FAM221B: variants seen among roughly 807,000 people sequenced by gnomAD.
FAM221B encodes protein FAM221B.
Under a neutral mutation model 39.8 loss-of-function variants are expected in FAM221B, and 35 were observed. The ratio of observed to expected loss-of-function variants is 0.88; its 90% CI spans 0.67 to 1.17. The LOEUF is 1.17. FAM221B is among the 50% of genes most tolerant of loss of function. The pLI is 0.00. For missense variants in FAM221B, 479 were observed against 503.1 expected (o/e 0.95, Z 0.46); for synonymous variants, 158 against 178.1 (o/e 0.89, Z 0.90).
At chr9:35,819,138 A>G in intron 5 of FAM221B, 59 bp downstream of exon 5, 1 of 1,533,700 alleles carries the variant, frequency 6.5e-7, no homozygotes, top group African/African-American at 1.4e-5. Context: ...CATTATCCCC[A>G]GATTGCATCC....
At position 35,828,436 on chromosome 9, in the gene FAM221B, G is replaced by A; in HGVS notation, c.-1+27C>T. 6 of 966,254 alleles carry A rather than the reference G, an allele frequency of 6.2e-6. No homozygotes were observed. The highest frequency in any genetic ancestry group is 7.4e-6 in the Non-Finnish European group (6 of 812,596). 59.9% of individuals were successfully genotyped at this position (966,254 alleles called of 1,614,324 possible). A position where few individuals can be genotyped will look rare whatever the true frequency, so the allele number is the denominator to read the frequency against. On this transcript the variant is annotated intron_variant, in intron 1 of 6. Transcript: ENST00000423537. This position sits in a 1 kb window ranked among gnomAD's most constrained non-coding sequence, Gnocchi z 4.5. Reference sequence around the variant, plus strand: ...AGACAGATGTCTTTGAGGGAAGAGGGCAAGGGCCGTTGGAGAAACCACCTA... The same window carrying A: ...AGACAGATGTCTTTGAGGGAAGAGGACAAGGGCCGTTGGAGAAACCACCTA...
chr9:35,824,680 T>G (rs1829262091), intron 3 of FAM221B, among the ~76,000 whole-genome samples: 1 of 151,468 alleles, frequency 6.6e-6, no homozygotes, highest in Non-Finnish European at 1.5e-5. Context: ...TTTTTTGTTT[T>G]TTGGTTTTTT....
rs987852417 is a variant in FAM221B, at chr9:35,816,931, G to A, written c.*1538C>T. On this transcript the variant is annotated 3_prime_UTR_variant, in exon 7 of 7. Transcript: ENST00000423537. ...CTCTGTGGTGCCTCTGGGACACTGGGAGACCCTAGAGTTGCCCTGGAGAAG... is the reference window on the plus strand; with the variant it reads ...CTCTGTGGTGCCTCTGGGACACTGGAAGACCCTAGAGTTGCCCTGGAGAAG... 6.6e-6 allele frequency: 1 copy of A among 152,228 alleles called. No homozygotes were observed. 9.4% of individuals were successfully genotyped at this position (152,228 alleles called of 1,614,324 possible). A position where few individuals can be genotyped will look rare whatever the true frequency, so the allele number is the denominator to read the frequency against.
Position 35,826,147 on chromosome 9 carries a change from C to G in FAM221B, c.15G>C (p.Glu5Asp). 1 of 1,588,562 alleles carries G rather than the reference C, an allele frequency of 6.3e-7. No homozygotes were observed. The highest frequency in any genetic ancestry group is 8.5e-7 in the Non-Finnish European group (1 of 1,169,960). MEAH[E>D]IIEEPHITMD... ...TGGTGATATGAGGCTCTTCTATGAT[C>G]TCATGTGCTTCCATCTAGTGGTAGA... is the stretch of plus-strand genomic sequence containing the variant. The change falls in exon 2 of 7, where the codon GAG becomes GAC. Residue 5 changes from glutamate (E) to aspartate (D), a missense_variant. Transcript: ENST00000423537.
Position 35,828,329 on chromosome 9 carries a change from AACAACT to A in FAM221B, c.-1+128_-1+133del, listed in dbSNP as rs201183435. ...CAACAACAACAACAACAACAACAAC[AACAACT>A]ACTACTACTACTACTACTACTACTA... On this transcript the variant is annotated intron_variant, in intron 1 of 6. Coordinates refer to ENST00000423537, the MANE Select transcript of FAM221B (RefSeq NM_001012446.4). This position sits in a 1 kb window ranked among gnomAD's most constrained non-coding sequence, Gnocchi z 4.5. 0.01 allele frequency: 1,434 copies of A among 138,966 alleles called. 21 individuals are homozygous for A. The highest frequency in any genetic ancestry group is 0.035 in the Middle Eastern group (10 of 282). 8.6% of individuals were successfully genotyped at this position (138,966 alleles called of 1,614,324 possible).
In FAM221B at chr9:35,825,098, C is replaced by A; in HGVS notation, c.742+132G>T. The stretch of plus-strand genomic sequence containing the variant: ...TATTCCTTGGCCCACTTGCCTGCTC[C>A]TTTTCCAGGCAGGTGGTATAGCCAT... On this transcript the variant is annotated intron_variant, in intron 3 of 6. Transcript: ENST00000423537. The surrounding 1 kb of genome is among the most constrained non-coding windows in gnomAD (Gnocchi z 4.2). 9.3e-7 allele frequency: 1 copy of A among 1,079,560 alleles called. No homozygotes were observed. The highest frequency in any genetic ancestry group is 2.6e-5 in the East Asian group (1 of 38,930). 66.9% of individuals were successfully genotyped at this position (1,079,560 alleles called of 1,614,324 possible). A position where few individuals can be genotyped will look rare whatever the true frequency, so the allele number is the denominator to read the frequency against.
rs931862343 is a variant in FAM221B at position 35,825,665 on chromosome 9, A to G, written c.497T>C (p.Val166Ala). 1 of 1,614,156 alleles carries G rather than the reference A, an allele frequency of 6.2e-7. No homozygotes were observed. Among genetic ancestry groups the G allele is most frequent in the Non-Finnish European group, 8.5e-7 (1 of 1,180,026 alleles). Reference sequence around the variant, plus strand: ...TTCCTCCTGCTTTTCGGTTGTGTCCACTTGGACCTGGGATGAAGGGCCTGA... The same window carrying G: ...TTCCTCCTGCTTTTCGGTTGTGTCCGCTTGGACCTGGGATGAAGGGCCTGA... ...CLSGPSSQVQ[V>A]DTTEKQEEEA... Residue 166 changes from valine (V) to alanine (A), a missense_variant, in exon 2 of 7, where the codon GTG (valine) becomes GCG (alanine). Val to Ala is a moderately conservative substitution (Grantham distance 64, BLOSUM62 0). Coordinates refer to ENST00000423537, the MANE Select transcript of FAM221B (RefSeq NM_001012446.4). The surrounding 1 kb of genome is among the most constrained non-coding windows in gnomAD (Gnocchi z 4.2).
In FAM221B at chr9:35,818,356, G is replaced by C. The variant is rs1024825335; in HGVS notation, c.*113C>G. 2 of 958,022 alleles carry C rather than the reference G, an allele frequency of 2.1e-6. No homozygotes were observed. The highest frequency in any genetic ancestry group is 1.6e-6 in the Non-Finnish European group (1 of 613,110). The allele number at this position is 958,022 out of a possible 1,614,324, so 59.3% of individuals were successfully genotyped here. A position where few individuals can be genotyped will look rare whatever the true frequency, so the allele number is the denominator to read the frequency against. On this transcript the variant is annotated 3_prime_UTR_variant, in exon 7 of 7. Transcript: ENST00000423537. ...TCCAGGCTTTCTCCTGTGTCTAATA[G>C]GTGTCAACTCTAAGTTATTAGGCAG... is the stretch of plus-strand genomic sequence containing the variant.
At position 35,828,599 on chromosome 9, in the gene FAM221B, A is replaced by G; in HGVS notation, c.-137T>C. On this transcript the variant is annotated 5_prime_UTR_variant, in exon 1 of 7. Transcript: ENST00000423537. The surrounding 1 kb of genome is among the most constrained non-coding windows in gnomAD (Gnocchi z 4.5). ...CTCAGCTGCAGGTGCTGAGTGTTGA[A>G]ATGCCTTGCCTGAAAGTCTGCTATC... 4 of 985,450 alleles carry G rather than the reference A, an allele frequency of 4.1e-6. No individual in the cohort carries two copies. Among genetic ancestry groups the G allele is most frequent in the Non-Finnish European group, 4.8e-6 (4 of 829,934 alleles). 61.0% of individuals were successfully genotyped at this position (985,450 alleles called of 1,614,324 possible).
rs1829315915 is a variant in FAM221B, at chr9:35,825,436, G to A, written c.599-63C>T. Reference sequence around the variant, plus strand: ...GAAGGCCCTAAAACTAAGAGAAGGGGCCATGTCCAAGAGTAACCCAGTCTC... The same window carrying A: ...GAAGGCCCTAAAACTAAGAGAAGGGACCATGTCCAAGAGTAACCCAGTCTC... On this transcript the variant is annotated intron_variant, in intron 2 of 6. Coordinates refer to ENST00000423537, the MANE Select transcript of FAM221B (RefSeq NM_001012446.4). The surrounding 1 kb of genome is among the most constrained non-coding windows in gnomAD (Gnocchi z 4.2). 1 of 1,606,894 alleles carries A rather than the reference G, an allele frequency of 6.2e-7. No individual in the cohort carries two copies. The highest frequency in any genetic ancestry group is 8.5e-7 in the Non-Finnish European group (1 of 1,176,122).
At chr9:35,824,449 T>G (rs1026194405) in intron 3 of FAM221B, among the ~76,000 whole-genome samples, 1 of 152,184 alleles carries the variant, frequency 6.6e-6, no homozygotes, top group African/African-American at 2.4e-5. Flanking sequence ...GTCTCCCCTT[T>G]GGTAACAGAA....
chr9:35,820,259 G>T (rs1829121926), intron 3 of FAM221B, among the ~76,000 whole-genome samples: 1 of 152,200 alleles, frequency 6.6e-6, no homozygotes, highest in East Asian at 1.9e-4. Flanking sequence ...TGCCAGAGAT[G>T]ACTCAAGAGA....
chr9:35,821,511 G>T (rs756203028), intron 3 of FAM221B: 2 of 1,367,932 alleles, frequency 1.5e-6, no homozygotes, highest in Admixed American at 3.8e-5. Context: ...GATGCTGATT[G>T]CCTGTAGTGC....
chr9:35,819,839 G>A, intron 4 of FAM221B, 51 bp downstream of exon 4: 1 of 1,131,042 alleles, frequency 8.8e-7, no homozygotes, highest in South Asian at 1.3e-5. Context: ...AGACATGACA[G>A]AGTACAGTTA....
In FAM221B at chr9:35,822,392, T is replaced by C. The variant is rs954199228; in HGVS notation, c.743-2392A>G. Among the ~76,000 whole-genome samples, 11 of 152,248 alleles carry C rather than the reference T, an allele frequency of 7.2e-5. No homozygotes were observed. The South Asian group carries it at 1.7e-3, about 23-fold the overall frequency. ...TTCACTTTGTTAGCTTTTCTTTTCT[T>C]TTCCCTACTTTTCTTGTTTCTTTTC... On this transcript the variant is annotated intron_variant, in intron 3 of 6. Coordinates refer to ENST00000423537, the MANE Select transcript of FAM221B (RefSeq NM_001012446.4).
chr9:35,817,538 T>C lies in FAM221B; in HGVS notation c.*931A>G, dbSNP rs1829046227. The stretch of plus-strand genomic sequence containing the variant: ...CTCACATCATCAACCCATTAAATAT[T>C]TGGATTCTCTGCTTCTCTAACTAGG... On this transcript the variant is annotated 3_prime_UTR_variant, in exon 7 of 7. Transcript: ENST00000423537. 1 of 152,264 alleles carries C rather than the reference T, an allele frequency of 6.6e-6. No homozygotes were observed. The highest frequency in any genetic ancestry group is 1.5e-5 in the Non-Finnish European group (1 of 68,084). 9.4% of individuals were successfully genotyped at this position (152,264 alleles called of 1,614,324 possible).
rs752983651 is a variant in FAM221B, at chr9:35,818,923, G to C, written c.1138C>G (p.Gln380Glu). ...CTTCCTCCTCGTTGCCGGGTCTTCT[G>C]GGTGTCAAAGAAAGTCTCGTGTTCC... ...WEEHETFFDT[Q>E]KTRQRGGRPR... The change falls in exon 6 of 7, where the codon CAG becomes GAG. Residue 380 changes from glutamine to glutamate, a missense_variant. Physicochemically the swap from Gln to Glu is conservative, Grantham distance 29. Coordinates refer to ENST00000423537, the MANE Select transcript of FAM221B (RefSeq NM_001012446.4). 6.4e-7 allele frequency: 1 copy of C among 1,551,958 alleles called. No homozygotes were observed. The highest frequency in any genetic ancestry group is 1.2e-5 in the South Asian group (1 of 84,062).
chr9:35,822,698 C>T (rs1039563815), intron 3 of FAM221B, among the ~76,000 whole-genome samples: 3 of 152,184 alleles, frequency 2.0e-5, no homozygotes, highest in East Asian at 1.9e-4. Context: ...GTAGCCGCTG[C>T]GCTCGGCCTG....
Position 35,819,409 on chromosome 9 carries a change from A to G in FAM221B, c.854-15T>C. 1 of 1,549,268 alleles carries G rather than the reference A, an allele frequency of 6.5e-7. No homozygotes were observed. Among genetic ancestry groups the G allele is most frequent in the Non-Finnish European group, 8.7e-7 (1 of 1,145,216 alleles). Reference sequence around the variant, plus strand: ...CACCGATATGTCTGTGGGATTGGGGATGGATGGTAGGGTTAATCTGATAGG... The same window carrying G: ...CACCGATATGTCTGTGGGATTGGGGGTGGATGGTAGGGTTAATCTGATAGG... On this transcript the variant is annotated splice_polypyrimidine_tract_variant and intron_variant, in intron 4 of 6. Transcript: ENST00000423537.
Sources: allele counts gnomAD v4.1 joint callset (sites outside exome capture counted in the v4.1 genomes callset), GRCh38; gene constraint gnomAD v4.1.1; non-coding constraint Gnocchi (gnomAD v3.1); transcripts MANE v1.5; gene names NCBI Gene and HGNC (gene_info 2026-07-23, HGNC 2026-07-21).